The following RAB6B variants were observed in gnomAD, a reference collection of about 807,000 sequenced individuals.
The protein encoded by RAB6B is ras-related protein Rab-6B.
Under a neutral mutation model 31.2 loss-of-function variants are expected in RAB6B, and 7 were observed. The observed-to-expected ratio is 0.22, with a 90% CI of 0.13 to 0.42. The LOEUF is 0.42. RAB6B is among the 10% of genes least tolerant of loss of function. The pLI is 1.00. For synonymous variants in RAB6B, 105 were observed against 104.9 expected, an observed-to-expected ratio of 1.00 and a Z score of -0.01; for missense variants, 149 against 280.6, an observed-to-expected ratio of 0.53 and a Z score of 3.35.
intron 2 of RAB6B, among the ~76,000 whole-genome samples, chr3:133,854,441 C>T (rs893636677): frequency 3.9e-5 from 6 of 152,230 alleles, no homozygotes; most frequent in Admixed American, 1.3e-4. Context: ...AGCCAGTCCA[C>T]GATCCCTATG....
intron 2 of RAB6B, among the ~76,000 whole-genome samples, chr3:133,853,618 G>A (rs1936032651): frequency 6.6e-6 from 1 of 152,032 alleles, no homozygotes; most frequent in African/African-American, 2.4e-5. Flanking sequence ...ATATGCCAAG[G>A]GAGCCCCAGT....
At chr3:133,854,874 T>A (rs1213982623) in intron 2 of RAB6B, among the ~76,000 whole-genome samples, 1 of 152,248 alleles carries the variant, frequency 6.6e-6, no homozygotes, top group Non-Finnish European at 1.5e-5. Flanking sequence ...TATTATGAAA[T>A]ACAATTTTGT....
At chr3:133,839,738 A>G in intron 4 of RAB6B, 121 bp from the exon 5 acceptor site, 1 of 752,626 alleles carries the variant, frequency 1.3e-6, no homozygotes, top group East Asian at 2.5e-5. Flanking sequence ...ATACCCAGGG[A>G]GGGGTGTGAG....
intron 3 of RAB6B, 31 bp from the exon 4 acceptor site, chr3:133,841,421 A>G (rs776734525): frequency 8.1e-6 from 13 of 1,609,712 alleles, no homozygotes; most frequent in East Asian, 2.2e-5. Flanking sequence ...CCATGGGCAG[A>G]GGGGTCAGTG....
rs1936602302 is a variant in RAB6B at position 133,889,417 on chromosome 3, TATATATATATATATATATATA to T, written c.70+5959_70+5979del. Reference sequence around the variant, plus strand: ...ATATATATATATATATATATATATATATATATATATATATATATATATATATATTTATTTTGGGATGGAGTT... The same window carrying T: ...ATATATATATATATATATATATATATTATATATTTATTTTGGGATGGAGTT... On this transcript the variant is annotated intron_variant, in intron 1 of 7. Transcript: ENST00000285208. 7.6e-4 allele frequency among the ~76,000 whole-genome samples: 45 copies of T among 59,316 alleles called. 1 individual carries two copies. Among genetic ancestry groups the T allele is most frequent in the African/African-American group, 2.8e-3 (42 of 14,786 alleles). 38.9% of individuals were successfully genotyped at this position (59,316 alleles called of 152,430 possible).
intron 4 of RAB6B, among the ~76,000 whole-genome samples, chr3:133,840,874 C>T (rs1238096664): frequency 2.0e-5 from 3 of 152,162 alleles, no homozygotes; most frequent in Non-Finnish European, 2.9e-5. Context: ...GCTGCTGGGC[C>T]GGGGTTGGCC....
intron 2 of RAB6B, among the ~76,000 whole-genome samples, chr3:133,842,991 C>T (rs1328627880): frequency 6.6e-6 from 1 of 152,212 alleles, no homozygotes; most frequent in African/African-American, 2.4e-5. Flanking sequence ...TATCTCCAGT[C>T]CCCCCAGGCT....
intron 5 of RAB6B, among the ~76,000 whole-genome samples, chr3:133,839,270 A>G (rs554396649): frequency 2.6e-5 from 4 of 152,332 alleles, no homozygotes; most frequent in Admixed American, 2.6e-4. Flanking sequence ...TGTAGACAGC[A>G]AACGGAGAAG....
At chr3:133,850,118 C>T (rs1935957327) in intron 2 of RAB6B, among the ~76,000 whole-genome samples, 1 of 152,220 alleles carries the variant, frequency 6.6e-6, no homozygotes, top group Middle Eastern at 3.4e-3. Context: ...CCTAAGCAGC[C>T]TACCTAAGAC....
chr3:133,844,896 T>G (rs2107993296), intron 2 of RAB6B, among the ~76,000 whole-genome samples: 1 of 151,398 alleles, frequency 6.6e-6, no homozygotes, highest in South Asian at 2.1e-4. Flanking sequence ...TGAGCCATGA[T>G]GACACTACTG....
chr3:133,892,380 A>AG (rs1472009331), intron 1 of RAB6B, among the ~76,000 whole-genome samples: 2 of 152,098 alleles, frequency 1.3e-5, no homozygotes, highest in Non-Finnish European at 2.9e-5. Context: ...AGCTGCCAGG[A>AG]GGGGGGCTCT....
chr3:133,887,867 T>C (rs1380796230), intron 1 of RAB6B, among the ~76,000 whole-genome samples: 3 of 152,160 alleles, frequency 2.0e-5, no homozygotes, highest in African/African-American at 7.2e-5. Context: ...GGCTGAGGGC[T>C]GACTTGGGAG....
At chr3:133,862,806 C>A (rs1173835493) in intron 2 of RAB6B, among the ~76,000 whole-genome samples, 1 of 152,134 alleles carries the variant, frequency 6.6e-6, no homozygotes, top group East Asian at 1.9e-4. Flanking sequence ...GCCTGGGGGC[C>A]CCCTTTGTCA....
intron 6 of RAB6B, among the ~76,000 whole-genome samples, chr3:133,837,295 T>G (rs1935751496): frequency 6.6e-6 from 1 of 152,194 alleles, no homozygotes; most frequent in African/African-American, 2.4e-5. Flanking sequence ...TACTGAGTAC[T>G]GAAATAAAAC....
At chr3:133,863,309 G>T (rs569554620) in intron 2 of RAB6B, among the ~76,000 whole-genome samples, 21 of 152,352 alleles carry the variant, frequency 1.4e-4, no homozygotes, top group Non-Finnish European at 2.8e-4. Flanking sequence ...AAATGAGAGA[G>T]AGGCAGACAG....
At chr3:133,843,053 G>C (rs1399550165) in intron 2 of RAB6B, among the ~76,000 whole-genome samples, 3 of 152,232 alleles carry the variant, frequency 2.0e-5, no homozygotes, top group Admixed American at 6.5e-5. Context: ...TGTTTACACA[G>C]TCACACTCCC....
rs559025318 is a variant in RAB6B at position 133,887,480 on chromosome 3, C to G, written c.70+7917G>C. 4.6e-5 allele frequency among the ~76,000 whole-genome samples: 7 copies of G among 152,326 alleles called. No individual in the cohort carries two copies. The South Asian group carries it at 1.4e-3, about 32-fold the overall frequency. ...AGTCGCAGAGCCCCTGATCCCCCAT[C>G]TCACTCCTGCAGCCCCTCTCACCAG... On this transcript the variant is annotated intron_variant, in intron 1 of 7. Coordinates refer to ENST00000285208, the MANE Select transcript of RAB6B (RefSeq NM_016577.4).
chr3:133,895,589 C>T lies in RAB6B; in HGVS notation c.-123G>A. The T allele has an allele frequency of 4.2e-6, 4 of 947,360 alleles. No homozygotes were observed. The highest frequency in any genetic ancestry group is 1.5e-5 in the South Asian group (1 of 65,914). 58.7% of individuals were successfully genotyped at this position (947,360 alleles called of 1,614,324 possible). A position where few individuals can be genotyped will look rare whatever the true frequency, so the allele number is the denominator to read the frequency against. On this transcript the variant is annotated 5_prime_UTR_variant, in exon 1 of 8. Transcript: ENST00000285208. ...GAGCCGGAGGGGGAAGGGCTGGCTG[C>T]GCGCGTCCCTGACTCCCCAGCTGCG...
intron 7 of RAB6B, among the ~76,000 whole-genome samples, chr3:133,830,605 T>C (rs543761407): frequency 2.0e-5 from 3 of 152,084 alleles, no homozygotes; most frequent in African/African-American, 7.2e-5. Context: ...TGGGCCAGGG[T>C]GCACGCATTA....
Sources: allele counts gnomAD v4.1 joint callset (sites outside exome capture counted in the v4.1 genomes callset), GRCh38; gene constraint gnomAD v4.1.1; transcripts MANE v1.5; gene names NCBI Gene and HGNC (gene_info 2026-07-23, HGNC 2026-07-21).